MCF2L2: variants seen among roughly 807,000 people sequenced by gnomAD.
MCF2L2 encodes the protein MCF.2 cell line derived transforming sequence-like 2.
A neutral mutation model predicts 150.2 loss-of-function variants in MCF2L2; 102 were observed. The ratio of observed to expected loss-of-function variants is 0.68; its 90% CI spans 0.58 to 0.80. MCF2L2 has a LOEUF of 0.80. Among genes scored for constraint, MCF2L2 ranks in the 30% least tolerant of loss-of-function variants. The probability of loss-of-function intolerance (pLI) is 0.00; values close to 1 mark genes in which losing one functional copy is unlikely to be tolerated. For synonymous variants in MCF2L2, 465 were observed against 491.3 expected (o/e 0.95, Z 0.71); for missense variants, 1,256 against 1,372.8 (o/e 0.91, Z 1.34).
chr3:183,385,557 G>A (rs1713783194), intron 2 of MCF2L2, among the ~76,000 whole-genome samples: 1 of 152,176 alleles, frequency 6.6e-6, no homozygotes, highest in Non-Finnish European at 1.5e-5. Flanking sequence ...GCTGCCACAA[G>A]AGACAGGCAG....
chr3:183,229,223 G>A (rs1211303977), intron 17 of MCF2L2, among the ~76,000 whole-genome samples: 1 of 152,164 alleles, frequency 6.6e-6, no homozygotes, highest in Non-Finnish European at 1.5e-5. Context: ...TATCCAAGCA[G>A]CCCCGAGTTA....
intron 5 of MCF2L2, among the ~76,000 whole-genome samples, chr3:183,335,794 G>A (rs1436227843): frequency 6.6e-6 from 1 of 152,140 alleles, no homozygotes. Context: ...AGAAGTTCGA[G>A]GCTGCAGTGA....
chr3:183,221,936 C>T (rs963535788), intron 20 of MCF2L2, among the ~76,000 whole-genome samples: 1 of 152,142 alleles, frequency 6.6e-6, no homozygotes, highest in Non-Finnish European at 1.5e-5. Context: ...AACTAAGGCC[C>T]AAGAGGGCAA....
chr3:183,396,697 C>A (rs1714483173), intron 1 of MCF2L2, among the ~76,000 whole-genome samples: 1 of 151,888 alleles, frequency 6.6e-6, no homozygotes, highest in Admixed American at 6.6e-5. Flanking sequence ...AACAGTGAAG[C>A]CTATTGGCTG....
chr3:183,369,922 T>G (rs114088458), intron 3 of MCF2L2, among the ~76,000 whole-genome samples: 442 of 152,340 alleles, frequency 2.9e-3, no homozygotes, highest in African/African-American at 9.6e-3. Context: ...TTCACAAATT[T>G]TATAGCTAAT....
chr3:183,362,523 A>T (rs1395578858), intron 3 of MCF2L2, among the ~76,000 whole-genome samples: 1 of 150,992 alleles, frequency 6.6e-6, no homozygotes, highest in South Asian at 2.1e-4. Context: ...CTTCTGGGAG[A>T]GAAAATGAAA....
rs191195873 is a variant in MCF2L2 at position 183,189,701 on chromosome 3, G to A, written c.3016+3298C>T. 1.6e-4 allele frequency among the ~76,000 whole-genome samples: 25 copies of A among 152,326 alleles called. No individual in the cohort carries two copies. The East Asian group carries it at 2.9e-3, about 18-fold the overall frequency. On this transcript the variant is annotated intron_variant, in intron 27 of 29. Coordinates refer to ENST00000328913, the MANE Select transcript of MCF2L2 (RefSeq NM_015078.4). Reference sequence around the variant, plus strand: ...ACCTGAGGGAGACACTTCCACTAGGGAACACAGCAAGAATCCTACTTAACT... The same window carrying A: ...ACCTGAGGGAGACACTTCCACTAGGAAACACAGCAAGAATCCTACTTAACT...
intron 26 of MCF2L2, among the ~76,000 whole-genome samples, chr3:183,194,637 C>G (rs1480110527): frequency 6.6e-6 from 1 of 152,182 alleles, no homozygotes. Flanking sequence ...ACTGGCAGAT[C>G]TACCTCAACT....
intron 2 of MCF2L2, among the ~76,000 whole-genome samples, chr3:183,386,312 ACTGTGAACATGCAGGTGT>A (rs1407355720): frequency 6.6e-6 from 1 of 152,234 alleles, no homozygotes; most frequent in East Asian, 1.9e-4. Flanking sequence ...TCCCAAGTTC[ACTGTGAACATGCAGGTGT>A]CTTCCAACGT....
chr3:183,398,105 T>A lies in MCF2L2; in HGVS notation c.77-8326A>T, dbSNP rs1469699750. 2.0e-5 allele frequency among the ~76,000 whole-genome samples: 3 copies of A among 152,164 alleles called. No homozygotes were observed. The South Asian group carries it at 6.2e-4, about 32-fold the overall frequency. ...TGAAGCAGAGATGGCTAACTGCCCATCAAAATGTCACAGATCCTCTTCCAT... is the reference window on the plus strand; with the variant it reads ...TGAAGCAGAGATGGCTAACTGCCCAACAAAATGTCACAGATCCTCTTCCAT... On this transcript the variant is annotated intron_variant, in intron 1 of 29. Transcript: ENST00000328913.
At chr3:183,393,192 C>CTT (rs11390628) in intron 1 of MCF2L2, among the ~76,000 whole-genome samples, 5,490 of 131,982 alleles carry the variant, frequency 0.042, 408 homozygotes, top group African/African-American at 0.14. Context: ...AAACTTGTCT[C>CTT]TTTTTTTTTT....
intron 1 of MCF2L2, among the ~76,000 whole-genome samples, chr3:183,425,339 C>T (rs1446573294): frequency 6.6e-6 from 1 of 152,022 alleles, no homozygotes; most frequent in Non-Finnish European, 1.5e-5. Flanking sequence ...CAGAGGAGGC[C>T]GAGTGAATAC....
At position 183,230,984 on chromosome 3, in the gene MCF2L2, C is replaced by G. The variant is rs866461582; in HGVS notation, c.1896G>C (p.Glu632Asp). 1 of 1,613,850 alleles carries G rather than the reference C, an allele frequency of 6.2e-7. No homozygotes were observed. The highest frequency in any genetic ancestry group is 1.3e-5 in the African/African-American group (1 of 74,910). The change falls in exon 16 of 30, where the codon GAG (glutamate) becomes GAC (aspartate). Residue 632 changes from glutamate (E) to aspartate (D), a missense_variant. Physicochemically the swap from Glu to Asp is conservative, Grantham distance 45. Coordinates refer to ENST00000328913, the MANE Select transcript of MCF2L2 (RefSeq NM_015078.4). ...RIIRDLLETE[E>D]IYIKEIKSII... The stretch of plus-strand genomic sequence containing the variant: ...TGCTTTTAATCTCTTTTATGTAAAT[C>G]TCTTCAGTCTCAAGCAAGTCACGTA...
At chr3:183,249,977 G>A (rs941863636) in intron 15 of MCF2L2, among the ~76,000 whole-genome samples, 4 of 152,212 alleles carry the variant, frequency 2.6e-5, no homozygotes, top group African/African-American at 9.6e-5. Context: ...CCACCCACAA[G>A]AGATCTGAAG....
At chr3:183,389,639 C>T in intron 2 of MCF2L2, 57 bp downstream of exon 2, 2 of 1,429,832 alleles carry the variant, frequency 1.4e-6, no homozygotes, top group East Asian at 2.3e-5. Flanking sequence ...GAGGCTGGAC[C>T]TTCCCATCAA....
At chr3:183,366,010 G>T (rs1252960907) in intron 3 of MCF2L2, among the ~76,000 whole-genome samples, 4 of 146,132 alleles carry the variant, frequency 2.7e-5, no homozygotes, top group African/African-American at 1.1e-4. Context: ...ATGAAAAATA[G>T]AAACAGAAAC....
rs1467133710 is a variant in MCF2L2 at position 183,197,376 on chromosome 3, GA to G, written c.2885-2122del. ...ATAGTGTTTTTAACAACTGGCAATG[GA>G]AAAACTAGAACATCAGTATGCAAAG... On this transcript the variant is annotated intron_variant, in intron 25 of 29. Transcript: ENST00000328913. The surrounding 1 kb of genome is among the most constrained non-coding windows in gnomAD (Gnocchi z 4.5). Among the ~76,000 whole-genome samples the G allele has an allele frequency of 6.6e-6, 1 of 152,076 alleles. No individual in the cohort carries two copies. The highest frequency in any genetic ancestry group is 1.9e-4 in the East Asian group (1 of 5,192).
chr3:183,328,993 T>TTA (rs1730161104), intron 5 of MCF2L2, among the ~76,000 whole-genome samples: 2 of 152,174 alleles, frequency 1.3e-5, no homozygotes, highest in African/African-American at 2.4e-5. Flanking sequence ...ACAACATGCC[T>TTA]ATTAAATGAC....
rs115926988 is a variant in MCF2L2, at chr3:183,304,260, C to G, written c.1114-4064G>C. ...CTTATTCAACTGAAAACAGTGCATG[C>G]TGCATCTTAGGTACTTACAAATAAA... is the stretch of plus-strand genomic sequence containing the variant. On this transcript the variant is annotated intron_variant, in intron 10 of 29. Transcript: ENST00000328913. Among the ~76,000 whole-genome samples, 1,066 of 152,308 alleles carry G rather than the reference C, an allele frequency of 7.0e-3. 12 individuals carry two copies. The highest frequency in any genetic ancestry group is 0.024 in the African/African-American group (980 of 41,564).
Sources: gnomAD v4.1 joint callset for allele counts (sites outside exome capture counted in the v4.1 genomes callset) on GRCh38, gnomAD v4.1.1 for gene constraint, Gnocchi (gnomAD v3.1) non-coding constraint, MANE v1.5 for transcripts, NCBI Gene and HGNC (gene_info 2026-07-23, HGNC 2026-07-21) for gene names.